Variants in ITIH5 observed in about 807,000 individuals in gnomAD.
The protein encoded by ITIH5 is inter-alpha-trypsin inhibitor heavy chain H5.
ITIH5 carries 65 observed loss-of-function variants against 77.5 expected under a neutral mutation model. That is an observed-to-expected ratio of 0.84 (90% CI 0.69 to 1.03). ITIH5 has a LOEUF of 1.03. ITIH5 is among the 50% of genes least tolerant of loss of function. ITIH5 has a pLI of 0.00. For synonymous variants in ITIH5, 525 were observed against 494.3 expected (o/e 1.06, Z -0.82); for missense variants, 1,208 against 1,213.1 (o/e 1.00, Z 0.06).
intron 2 of ITIH5, among the ~76,000 whole-genome samples, chr10:7,645,240 T>C (rs1833993089): frequency 6.6e-6 from 1 of 152,010 alleles, no homozygotes; most frequent in South Asian, 2.1e-4. Flanking sequence ...ATTTAAGTAA[T>C]GATCAAGTTT....
intron 13 of ITIH5, among the ~76,000 whole-genome samples, chr10:7,565,623 AT>A (rs1832134744): frequency 6.7e-6 from 1 of 148,686 alleles, no homozygotes; most frequent in African/African-American, 2.4e-5. Context: ...TACATTATGT[AT>A]ATGTATATAT....
At position 7,560,247 on chromosome 10, in the gene ITIH5, A is replaced by G. The variant is rs964576248; in HGVS notation, c.*2836T>C. 1 of 158,460 alleles carries G rather than the reference A, an allele frequency of 6.3e-6. No individual in the cohort carries two copies. Among genetic ancestry groups the G allele is most frequent in the Non-Finnish European group, 1.4e-5 (1 of 72,422 alleles). 9.8% of individuals were successfully genotyped at this position (158,460 alleles called of 1,614,324 possible). A position where few individuals can be genotyped will look rare whatever the true frequency, so the allele number is the denominator to read the frequency against. On this transcript the variant is annotated 3_prime_UTR_variant, in exon 14 of 14. Coordinates refer to ENST00000397146, the MANE Select transcript of ITIH5 (RefSeq NM_030569.7). ...AGGTCCCAATTCCAAGAACCATCACATTCAGGATTTAAGCTTCAACATATG... is the reference window on the plus strand; with the variant it reads ...AGGTCCCAATTCCAAGAACCATCACGTTCAGGATTTAAGCTTCAACATATG...
At chr10:7,618,410 A>C (rs1833411255) in intron 5 of ITIH5, 1 of 152,252 alleles carries the variant, frequency 6.6e-6, no homozygotes, top group Non-Finnish European at 1.5e-5. Flanking sequence ...TTAAGCAAAG[A>C]GCATCCCATC....
intron 7 of ITIH5, among the ~76,000 whole-genome samples, chr10:7,608,401 T>C (rs1833175234): frequency 6.6e-6 from 1 of 152,176 alleles, no homozygotes; most frequent in African/African-American, 2.4e-5. Flanking sequence ...TACCTCAGCC[T>C]CCTAAGTAGC....
In ITIH5 at chr10:7,561,035, C is replaced by A. The variant is rs1383220674; in HGVS notation, c.*2048G>T. 2.5e-4 allele frequency: 5 copies of A among 20,220 alleles called. No individual in the cohort carries two copies. In the South Asian group the frequency reaches 0.02, roughly 80 times the overall value. 1.3% of individuals were successfully genotyped at this position (20,220 alleles called of 1,614,324 possible). A position where few individuals can be genotyped will look rare whatever the true frequency, so the allele number is the denominator to read the frequency against. The stretch of plus-strand genomic sequence containing the variant: ...GGGGTTTCGGGCTTTCAGGTACTGA[C>A]CCCATTTGAAAAAAAAAAAAAAGAT... On this transcript the variant is annotated 3_prime_UTR_variant, in exon 14 of 14. Transcript: ENST00000397146.
intron 5 of ITIH5, among the ~76,000 whole-genome samples, chr10:7,633,167 G>A (rs1371818312): frequency 6.6e-6 from 1 of 152,230 alleles, no homozygotes; most frequent in African/African-American, 2.4e-5. Flanking sequence ...AACTGCGGAA[G>A]TGGAGAACGG....
intron 7 of ITIH5, among the ~76,000 whole-genome samples, chr10:7,615,669 T>C (rs578089888): frequency 2.0e-5 from 3 of 152,352 alleles, no homozygotes; most frequent in East Asian, 3.9e-4. Flanking sequence ...TGAACAGAAT[T>C]ACTCCATCAA....
intron 2 of ITIH5, among the ~76,000 whole-genome samples, chr10:7,654,650 G>A (rs1424701055): frequency 6.6e-6 from 1 of 152,196 alleles, no homozygotes; most frequent in Non-Finnish European, 1.5e-5. Context: ...GGAACCAGGG[G>A]AATGGCACAC....
chr10:7,598,244 C>G (rs1454211733), intron 7 of ITIH5, among the ~76,000 whole-genome samples: 1 of 152,102 alleles, frequency 6.6e-6, no homozygotes, highest in Non-Finnish European at 1.5e-5. Flanking sequence ...TTAATTGTAA[C>G]ATACAGAAGA....
intron 7 of ITIH5, among the ~76,000 whole-genome samples, chr10:7,612,412 C>A (rs1412908901): frequency 6.6e-6 from 1 of 152,202 alleles, no homozygotes; most frequent in Non-Finnish European, 1.5e-5. Context: ...AGGTGTAGAA[C>A]ATTCCCATTC....
rs534761247 is a variant in ITIH5, at chr10:7,565,164, CACAT to C, written c.2527+862_2527+865del. Among the ~76,000 whole-genome samples, 31 of 125,160 alleles carry C rather than the reference CACAT, an allele frequency of 2.5e-4. No individual in the cohort carries two copies. The South Asian group carries it at 3.8e-3, about 15-fold the overall frequency. 82.1% of individuals were successfully genotyped at this position (125,160 alleles called of 152,430 possible). A position where few individuals can be genotyped will look rare whatever the true frequency, so the allele number is the denominator to read the frequency against. On this transcript the variant is annotated intron_variant, in intron 13 of 13. Transcript: ENST00000397146. ...TACATACAGACTGTATATATAAACACACATACATACACAGGCTATATATATATAT... is the reference window on the plus strand; with the variant it reads ...TACATACAGACTGTATATATAAACACACATACACAGGCTATATATATATAT...
rs114486572 is a variant in ITIH5, at chr10:7,608,434, C to T, written c.939+7548G>A. ...AGCTGGGACTACAGATGTGGGCCAT[C>T]ATGCCTGGCTAATTTTGTTTATCTT... is the stretch of plus-strand genomic sequence containing the variant. On this transcript the variant is annotated intron_variant, in intron 7 of 13. Coordinates refer to ENST00000397146, the MANE Select transcript of ITIH5 (RefSeq NM_030569.7). Among the ~76,000 whole-genome samples the T allele has an allele frequency of 7.8e-3, 1,186 of 152,252 alleles. 8 individuals carry two copies. The highest frequency in any genetic ancestry group is 0.027 in the African/African-American group (1,107 of 41,544).
chr10:7,666,464 G>C (rs1834363129), intron 1 of ITIH5, among the ~76,000 whole-genome samples: 2 of 152,018 alleles, frequency 1.3e-5, no homozygotes. Flanking sequence ...CCCCCCACGC[G>C]TGATAAGGAA....
intron 1 of ITIH5, among the ~76,000 whole-genome samples, chr10:7,662,774 C>T (rs1834297653): frequency 6.6e-6 from 1 of 152,190 alleles, no homozygotes; most frequent in East Asian, 1.9e-4. Context: ...CCGCACTCTG[C>T]CCTACAAACT....
At chr10:7,576,022 T>C (rs942574071) in intron 10 of ITIH5, among the ~76,000 whole-genome samples, 5 of 151,990 alleles carry the variant, frequency 3.3e-5, no homozygotes, top group African/African-American at 1.2e-4. Flanking sequence ...TGTTATTGCT[T>C]TTTGGTTGGT....
At position 7,586,021 on chromosome 10, in the gene ITIH5, G is replaced by C. The variant is rs185410360; in HGVS notation, c.988C>G (p.Arg330Gly). The stretch of plus-strand genomic sequence containing the variant: ...TTGGAAAATCCAATGATACTGAAAC[G>C]GTCCTGGGGTCGGAGGTCATGGAGA... Reference protein sequence around the residue: ...TILHDLRPQDRFSIIGFSNRI... With the variant: ...TILHDLRPQDGFSIIGFSNRI... The change falls in exon 8 of 14, where the codon CGT becomes GGT. Residue 330 changes from arginine (R) to glycine (G), a missense_variant. Arg to Gly is a moderately radical substitution (Grantham distance 125). Transcript: ENST00000397146. 3 of 1,613,818 alleles carry C rather than the reference G, an allele frequency of 1.9e-6. No homozygotes were observed. The African/African-American group carries it at 4.0e-5, about 22-fold the overall frequency.
At chr10:7,603,708 C>T (rs997691659) in intron 7 of ITIH5, among the ~76,000 whole-genome samples, 6 of 152,142 alleles carry the variant, frequency 3.9e-5, no homozygotes, top group African/African-American at 1.2e-4. Context: ...CTCAGCCTCC[C>T]GAGCAGCTGG....
intron 12 of ITIH5, among the ~76,000 whole-genome samples, chr10:7,567,358 C>T (rs1259421715): frequency 1.8e-5 from 1 of 56,806 alleles, no homozygotes; most frequent in Non-Finnish European, 3.9e-5. Flanking sequence ...TATTATTATA[C>T]TTTAGGTTTT....
At chr10:7,651,456 G>T (rs181017659) in intron 2 of ITIH5, among the ~76,000 whole-genome samples, 42 of 152,114 alleles carry the variant, frequency 2.8e-4, no homozygotes, top group Admixed American at 7.2e-4. Flanking sequence ...GATGATGCAT[G>T]CCTGTAATCC....
Sources: gnomAD v4.1 joint callset for allele counts (sites outside exome capture counted in the v4.1 genomes callset) on GRCh38, gnomAD v4.1.1 for gene constraint, MANE v1.5 for transcripts, NCBI Gene and HGNC (gene_info 2026-07-23, HGNC 2026-07-21) for gene names.